Variants in INPP4B observed in about 807,000 individuals in gnomAD.
The protein encoded by INPP4B is inositol polyphosphate 4-phosphatase type II.
In INPP4B, 55 loss-of-function variants were observed where a neutral mutation model predicts 122.5. The observed-to-expected ratio is 0.45, with a 90% confidence interval of 0.36 to 0.56. INPP4B has a LOEUF of 0.56. INPP4B is among the 20% of genes least tolerant of loss of function. INPP4B has a pLI of 0.00. For synonymous variants in INPP4B, 403 were observed against 388.7 expected (o/e 1.04, Z -0.43); for missense variants, 1,000 against 1,097.7 (o/e 0.91, Z 1.26).
At chr4:142,155,087 T>C (rs4956436) in intron 17 of INPP4B, among the ~76,000 whole-genome samples, 12,936 of 151,868 alleles carry the variant, frequency 0.085, 719 homozygotes, top group Middle Eastern at 0.17. Context: ...TGGAAGTAAA[T>C]GGCCATATTT....
chr4:142,764,753 C>T (rs527848783), intron 1 of INPP4B, among the ~76,000 whole-genome samples: 3 of 152,016 alleles, frequency 2.0e-5, no homozygotes, highest in African/African-American at 7.2e-5. Context: ...AAGATCTACT[C>T]TGAAGACAAG....
chr4:142,451,774 A>T (rs1017412521), intron 3 of INPP4B, among the ~76,000 whole-genome samples: 4 of 152,194 alleles, frequency 2.6e-5, no homozygotes, highest in Non-Finnish European at 5.9e-5. Flanking sequence ...ACAAAGCAGC[A>T]AGGCAGAGAC....
intron 3 of INPP4B, among the ~76,000 whole-genome samples, chr4:142,460,329 A>C (rs1816439855): frequency 6.6e-6 from 1 of 152,178 alleles, no homozygotes; most frequent in South Asian, 2.1e-4. Flanking sequence ...GAAAACAATA[A>C]TTTACAGATT....
At position 142,294,829 on chromosome 4, in the gene INPP4B, C is replaced by CAAAAAAAAAAAAAAA. The variant is rs57430432; in HGVS notation, c.503+10614_503+10628dup. ...CGGGCGACAGAGCGAGACTCCGTCT[C>CAAAAAAAAAAAAAAA]AAAAAAAAAAAAAAAAAAAAAAAAA... On this transcript the variant is annotated intron_variant, in intron 9 of 25. Transcript: ENST00000262992. Among the ~76,000 whole-genome samples the CAAAAAAAAAAAAAAA allele has an allele frequency of 8.7e-3, 249 of 28,476 alleles. 69 individuals carry two copies. Among genetic ancestry groups the CAAAAAAAAAAAAAAA allele is most frequent in the East Asian group, 0.021 (14 of 662 alleles). The allele number at this position is 28,476 out of a possible 152,430, so 18.7% of individuals were successfully genotyped here. A position where few individuals can be genotyped will look rare whatever the true frequency, so the allele number is the denominator to read the frequency against.
chr4:142,051,109 G>C (rs1213448256), intron 25 of INPP4B, among the ~76,000 whole-genome samples: 1 of 151,880 alleles, frequency 6.6e-6, no homozygotes, highest in Non-Finnish European at 1.5e-5. Context: ...TTGCATATTT[G>C]TATAAGTTAA....
At chr4:142,745,941 C>G (rs1408893789) in intron 1 of INPP4B, among the ~76,000 whole-genome samples, 1 of 151,692 alleles carries the variant, frequency 6.6e-6, no homozygotes, top group Non-Finnish European at 1.5e-5. Flanking sequence ...AAAAACTGAT[C>G]AAGATAGAGG....
chr4:142,685,197 A>G (rs1442653621), intron 2 of INPP4B, among the ~76,000 whole-genome samples: 1 of 152,076 alleles, frequency 6.6e-6, no homozygotes, highest in Admixed American at 6.6e-5. Flanking sequence ...AATAAGCAGA[A>G]GCTGACTTCT....
At chr4:142,649,570 A>C (rs1387959426) in intron 2 of INPP4B, among the ~76,000 whole-genome samples, 6 of 152,228 alleles carry the variant, frequency 3.9e-5, no homozygotes, top group African/African-American at 7.2e-5. Flanking sequence ...TGATGCATAC[A>C]TAAGCTTCAA....
chr4:142,726,958 CATT>C (rs1281724002), intron 1 of INPP4B, among the ~76,000 whole-genome samples: 3 of 152,090 alleles, frequency 2.0e-5, no homozygotes, highest in Non-Finnish European at 2.9e-5. Context: ...ATAATATCAT[CATT>C]ATTATTCCTA....
chr4:142,569,035 A>C (rs1248155955), intron 2 of INPP4B, among the ~76,000 whole-genome samples: 3 of 152,166 alleles, frequency 2.0e-5, no homozygotes, highest in Non-Finnish European at 4.4e-5. Context: ...GATAAGATTA[A>C]CAAATTACTT....
intron 15 of INPP4B, among the ~76,000 whole-genome samples, chr4:142,192,281 T>TA (rs57535551): frequency 1.9e-3 from 116 of 60,942 alleles, no homozygotes; most frequent in African/African-American, 4.3e-3. Context: ...TCACCATGGT[T>TA]AAAAAAAAAA....
intron 2 of INPP4B, among the ~76,000 whole-genome samples, chr4:142,691,888 T>C (rs1040933553): frequency 2.0e-5 from 3 of 152,168 alleles, no homozygotes; most frequent in Non-Finnish European, 2.9e-5. Context: ...TTCACTTTTC[T>C]GGGTCTTGCT....
chr4:142,597,523 A>T (rs921356776), intron 2 of INPP4B, among the ~76,000 whole-genome samples: 3 of 152,280 alleles, frequency 2.0e-5, no homozygotes, highest in Admixed American at 2.0e-4. Context: ...ATCACTCAGA[A>T]CTCTTCTTTA....
intron 7 of INPP4B, among the ~76,000 whole-genome samples, chr4:142,324,389 CT>C: frequency 6.6e-6 from 1 of 152,228 alleles, no homozygotes; most frequent in Non-Finnish European, 1.5e-5. Context: ...GCCTTTGCTT[CT>C]CAGCCCTGAA....
chr4:142,033,321 T>C (rs1560881450), intron 25 of INPP4B, among the ~76,000 whole-genome samples: 2 of 152,172 alleles, frequency 1.3e-5, no homozygotes, highest in Non-Finnish European at 2.9e-5. Context: ...CCCCCTCCAC[T>C]GTGCCAGCCA....
intron 1 of INPP4B, among the ~76,000 whole-genome samples, chr4:142,834,653 G>A (rs987025376): frequency 1.3e-5 from 2 of 152,132 alleles, no homozygotes; most frequent in African/African-American, 4.8e-5. Context: ...GAAAATACAT[G>A]TCTGTGTAAG....
In INPP4B at chr4:142,828,116, A is replaced by G. The variant is rs529534162; in HGVS notation, c.-254+18093T>C. 3.9e-5 allele frequency among the ~76,000 whole-genome samples: 6 copies of G among 152,310 alleles called. No homozygotes were observed. In the South Asian group the frequency reaches 1.0e-3, roughly 26 times the overall value. ...TTTCAGACAAATTGCCATAACATAT[A>G]CAATGCTGAGCTCACAAGAAATTAA... On this transcript the variant is annotated intron_variant, in intron 1 of 25. Transcript: ENST00000262992.
chr4:142,283,524 T>G (rs2150824822), intron 9 of INPP4B, among the ~76,000 whole-genome samples: 1 of 152,252 alleles, frequency 6.6e-6, no homozygotes, highest in Admixed American at 6.5e-5. Flanking sequence ...TACATAAACC[T>G]AGATGATATA....
intron 12 of INPP4B, among the ~76,000 whole-genome samples, chr4:142,209,632 A>C (rs922482988): frequency 1.3e-5 from 2 of 151,806 alleles, no homozygotes; most frequent in Non-Finnish European, 2.9e-5. Context: ...ATCTCTACTA[A>C]AAATACAAAA....
Sources: allele counts gnomAD v4.1 joint callset (sites outside exome capture counted in the v4.1 genomes callset), GRCh38; gene constraint gnomAD v4.1.1; transcripts MANE v1.5; gene names NCBI Gene and HGNC (gene_info 2026-07-23, HGNC 2026-07-21).